CAMK4: variants seen among roughly 807,000 people sequenced by gnomAD.
CAMK4 encodes calcium/calmodulin-dependent protein kinase type IV.
A neutral mutation model predicts 44.9 loss-of-function variants in CAMK4; 22 were observed. That is an observed-to-expected ratio of 0.49 (90% confidence interval 0.35 to 0.70). CAMK4 has a LOEUF of 0.70. Among genes scored for constraint, CAMK4 ranks in the 30% least tolerant of loss-of-function variants. The pLI, the probability that CAMK4 is intolerant of heterozygous loss-of-function variation, is 0.01. For synonymous variants in CAMK4, 218 were observed against 215.4 expected, an observed-to-expected ratio of 1.01 and a Z score of -0.11; for missense variants, 498 against 586.8, an observed-to-expected ratio of 0.85 and a Z score of 1.56.
At chr5:111,269,246 A>G (rs1474549463) in intron 1 of CAMK4, among the ~76,000 whole-genome samples, 1 of 152,194 alleles carries the variant, frequency 6.6e-6, no homozygotes, top group East Asian at 1.9e-4. Context: ...GTCTGATTGG[A>G]GAGAATTGAG....
intron 1 of CAMK4, among the ~76,000 whole-genome samples, chr5:111,328,963 G>A (rs966659237): frequency 4.0e-5 from 6 of 151,694 alleles, no homozygotes; most frequent in East Asian, 1.9e-4. Context: ...GATGAACATC[G>A]ATGCAAAATT....
At chr5:111,464,365 G>A (rs1754750205) in intron 7 of CAMK4, among the ~76,000 whole-genome samples, 1 of 152,068 alleles carries the variant, frequency 6.6e-6, no homozygotes, top group African/African-American at 2.4e-5. Context: ...TAAAAATAAT[G>A]GATGTTTCTA....
Position 111,482,957 on chromosome 5 carries a change from G to A in CAMK4, c.981+20G>A. On this transcript the variant is annotated intron_variant, in intron 10 of 10. Coordinates refer to ENST00000282356, the MANE Select transcript of CAMK4 (RefSeq NM_001744.6). The surrounding 1 kb of genome is among the most constrained non-coding windows in gnomAD (Gnocchi z 4.9). Reference sequence around the variant, plus strand: ...CTTAAGGTAAGATAGCATATATTTTGTTTTGTTTTGTTTTGTTTTCAAAAA... The same window carrying A: ...CTTAAGGTAAGATAGCATATATTTTATTTTGTTTTGTTTTGTTTTCAAAAA... 6.4e-7 allele frequency: 1 copy of A among 1,556,970 alleles called. No individual in the cohort carries two copies. Among genetic ancestry groups the A allele is most frequent in the African/African-American group, 1.4e-5 (1 of 71,800 alleles).
chr5:111,382,172 T>C lies in CAMK4; in HGVS notation c.386+5230T>C, dbSNP rs76685499. On this transcript the variant is annotated intron_variant, in intron 4 of 10. Transcript: ENST00000282356. Reference sequence around the variant, plus strand: ...TCTCTTCACCTTTTTTGAGGTATTATTATCCATATCTTTCCATAGCATACA... The same window carrying C: ...TCTCTTCACCTTTTTTGAGGTATTACTATCCATATCTTTCCATAGCATACA... Among the ~76,000 whole-genome samples the C allele has an allele frequency of 6.9e-3, 1,046 of 152,314 alleles. 7 individuals are homozygous for C. Among genetic ancestry groups the C allele is most frequent in the Non-Finnish European group, 0.011 (772 of 68,010 alleles).
At chr5:111,313,949 G>A (rs1308662356) in intron 1 of CAMK4, among the ~76,000 whole-genome samples, 1 of 152,080 alleles carries the variant, frequency 6.6e-6, no homozygotes, top group Non-Finnish European at 1.5e-5. Flanking sequence ...GCAATAATTT[G>A]TATGGGTATA....
intron 7 of CAMK4, among the ~76,000 whole-genome samples, chr5:111,457,844 GTAAAGGACGATC>G (rs1195903029): frequency 6.6e-6 from 1 of 152,190 alleles, no homozygotes; most frequent in Non-Finnish European, 1.5e-5. Context: ...ATCCAATCAA[GTAAAGGACGATC>G]TCACCCAAGA....
At position 111,459,327 on chromosome 5, in the gene CAMK4, CT is replaced by C. The variant is rs528472303; in HGVS notation, c.625+10125del. On this transcript the variant is annotated intron_variant, in intron 7 of 10. Coordinates refer to ENST00000282356, the MANE Select transcript of CAMK4 (RefSeq NM_001744.6). ...CTGGCTCAATATACAAGACAACATTCTAACAACTAAAGCTGTCGGCAATAGT... is the reference window on the plus strand; with the variant it reads ...CTGGCTCAATATACAAGACAACATTCAACAACTAAAGCTGTCGGCAATAGT... Among the ~76,000 whole-genome samples, 3 of 152,316 alleles carry C rather than the reference CT, an allele frequency of 2.0e-5. No individual in the cohort carries two copies. The South Asian group carries it at 6.2e-4, about 32-fold the overall frequency.
intron 1 of CAMK4, among the ~76,000 whole-genome samples, chr5:111,335,491 T>C (rs1232863942): frequency 6.6e-6 from 1 of 151,334 alleles, no homozygotes; most frequent in African/African-American, 2.4e-5. Context: ...TTTATCTTTT[T>C]TTAAAGCAAG....
At chr5:111,399,101 A>C (rs905987682) in intron 5 of CAMK4, among the ~76,000 whole-genome samples, 4 of 152,164 alleles carry the variant, frequency 2.6e-5, no homozygotes, top group Non-Finnish European at 4.4e-5. Flanking sequence ...AAAAATCAAA[A>C]TGCCTTAACA....
chr5:111,412,082 T>C (rs1156690483), intron 5 of CAMK4, among the ~76,000 whole-genome samples: 1 of 152,052 alleles, frequency 6.6e-6, no homozygotes, highest in Non-Finnish European at 1.5e-5. Context: ...AGAAACCAAA[T>C]TAAAAAATTA....
At chr5:111,326,632 C>G (rs1580595013) in intron 1 of CAMK4, among the ~76,000 whole-genome samples, 1 of 148,128 alleles carries the variant, frequency 6.8e-6, no homozygotes, top group African/African-American at 2.5e-5. Context: ...AACAGGCAAA[C>G]TAGAAAATAT....
At chr5:111,451,694 C>T (rs920189725) in intron 7 of CAMK4, among the ~76,000 whole-genome samples, 2 of 151,296 alleles carry the variant, frequency 1.3e-5, no homozygotes, top group Non-Finnish European at 2.9e-5. Context: ...GCTTGAGGGT[C>T]AGAATTCAAG....
At chr5:111,365,508 G>A (rs1750757792) in intron 2 of CAMK4, among the ~76,000 whole-genome samples, 1 of 35,432 alleles carries the variant, frequency 2.8e-5, no homozygotes, top group Non-Finnish European at 4.6e-5. Flanking sequence ...AAAATGTTCA[G>A]TATAGGAATG....
At chr5:111,351,836 G>T (rs551222966) in intron 2 of CAMK4, among the ~76,000 whole-genome samples, 1 of 152,066 alleles carries the variant, frequency 6.6e-6, no homozygotes, top group Admixed American at 6.6e-5. Context: ...TGAATAACAC[G>T]AACTTGGTGG....
intron 2 of CAMK4, among the ~76,000 whole-genome samples, chr5:111,370,187 A>G (rs1336867867): frequency 6.6e-6 from 1 of 152,146 alleles, no homozygotes; most frequent in Admixed American, 6.5e-5. Flanking sequence ...AAAGCAAATG[A>G]TTTTACCAGA....
intron 1 of CAMK4, among the ~76,000 whole-genome samples, chr5:111,273,587 T>C (rs535568248): frequency 6.7e-5 from 10 of 149,562 alleles, no homozygotes; most frequent in African/African-American, 1.7e-4. Flanking sequence ...CCAAAATTCC[T>C]CTTGACTGCT....
At chr5:111,258,740 CGTGT>C (rs201959904) in intron 1 of CAMK4, among the ~76,000 whole-genome samples, 11,617 of 139,172 alleles carry the variant, frequency 0.083, 481 homozygotes, top group Middle Eastern at 0.13. Context: ...GAGTTATCAG[CGTGT>C]GTGTGTGTGT....
At chr5:111,463,925 A>T (rs1270596591) in intron 7 of CAMK4, among the ~76,000 whole-genome samples, 2 of 152,154 alleles carry the variant, frequency 1.3e-5, no homozygotes, top group East Asian at 3.9e-4. Context: ...GTAATATGAC[A>T]AAAAAAGGTT....
At chr5:111,449,075 TG>T in intron 6 of CAMK4, 53 bp from the exon 7 acceptor site, 1 of 779,158 alleles carries the variant, frequency 1.3e-6, no homozygotes, top group Non-Finnish European at 2.2e-6. Context: ...ACAAATATTT[TG>T]TCATAAAAGC....
Sources: gnomAD v4.1 joint callset for allele counts (sites outside exome capture counted in the v4.1 genomes callset) on GRCh38, gnomAD v4.1.1 for gene constraint, Gnocchi (gnomAD v3.1) non-coding constraint, MANE v1.5 for transcripts, NCBI Gene and HGNC (gene_info 2026-07-23, HGNC 2026-07-21) for gene names.